ITPR1: variants seen among roughly 807,000 people sequenced by gnomAD.
The protein encoded by ITPR1 is inositol 1,4,5-trisphosphate-gated calcium channel ITPR1.
In ITPR1, 96 loss-of-function variants were observed where a neutral mutation model predicts 318.4. The ratio of observed to expected loss-of-function variants is 0.30; its 90% CI spans 0.26 to 0.36. The LOEUF is 0.36. Ranked by LOEUF, ITPR1 falls within the 10% of genes least tolerant of loss-of-function variation. The pLI, the probability that ITPR1 is intolerant of heterozygous loss-of-function variation, is 1.00. For synonymous variants in ITPR1, 1,312 were observed against 1,289.9 expected, an observed-to-expected ratio of 1.02 and a Z score of -0.37; for missense variants, 2,440 against 3,460.2, an observed-to-expected ratio of 0.71 and a Z score of 7.40.
chr3:4,645,310 C>A, intron 8 of ITPR1, 77 bp from the exon 9 acceptor site: 1 of 949,152 alleles, frequency 1.1e-6, no homozygotes. Flanking sequence ...TCCTAGGCTG[C>A]GGTGAGAAGT....
intron 44 of ITPR1, among the ~76,000 whole-genome samples, chr3:4,765,153 G>C (rs931839478): frequency 6.6e-6 from 1 of 152,166 alleles, no homozygotes; most frequent in African/African-American, 2.4e-5. Flanking sequence ...GAGTCGTGAA[G>C]GCCTCAATGA....
chr3:4,648,152 C>CA (rs35484832), intron 10 of ITPR1, among the ~76,000 whole-genome samples: 1,727 of 141,218 alleles, frequency 0.012, 31 homozygotes, highest in African/African-American at 0.04. Flanking sequence ...AACTCTGTCT[C>CA]AAAAAAAAAA....
At chr3:4,608,116 G>A (rs767319570) in intron 4 of ITPR1, among the ~76,000 whole-genome samples, 1 of 152,096 alleles carries the variant, frequency 6.6e-6, no homozygotes, top group Admixed American at 6.5e-5. Flanking sequence ...GGAAGATGAG[G>A]GTTAGCCAGA....
chr3:4,593,804 G>A (rs2090582171), intron 4 of ITPR1, among the ~76,000 whole-genome samples: 1 of 152,180 alleles, frequency 6.6e-6, no homozygotes, highest in Admixed American at 6.5e-5. Context: ...AGACACACAG[G>A]ATATGGTGGG....
intron 4 of ITPR1, among the ~76,000 whole-genome samples, chr3:4,550,221 C>T (rs1311820921): frequency 6.6e-6 from 1 of 152,040 alleles, no homozygotes; most frequent in African/African-American, 2.4e-5. Context: ...TGAGCAGGGC[C>T]ATGTTGGGGA....
At chr3:4,791,097 G>A (rs138340424) in intron 52 of ITPR1, among the ~76,000 whole-genome samples, 50 of 152,228 alleles carry the variant, frequency 3.3e-4, no homozygotes, top group African/African-American at 1.1e-3. Context: ...GTAAAGTCCC[G>A]TTCCTCTCAA....
chr3:4,559,813 A>C (rs1463313108), intron 4 of ITPR1, among the ~76,000 whole-genome samples: 1 of 152,188 alleles, frequency 6.6e-6, no homozygotes, highest in Non-Finnish European at 1.5e-5. Flanking sequence ...GTGTAGGGTC[A>C]CTCAGCTAGT....
In ITPR1 at chr3:4,663,195, A is replaced by G. The variant is rs1208998815; in HGVS notation, c.1543A>G (p.Ile515Val). The part of the protein sequence containing the change: ...ERQKLMREQN[I>V]LKQIFKLLQA... ...GCAGAAACTGATGAGAGAACAGAAT[A>G]TTCTCAAGCAGGTCGGTGAGATGTG... The change falls in exon 16 of 62, where the codon ATT becomes GTT. Residue 515 changes from isoleucine to valine, a missense_variant. Physicochemically the swap from Ile to Val is conservative, Grantham distance 29. This residue lies in a region of ITPR1 where 478 missense variants were observed against 696.3 expected (regional missense o/e 0.69). Coordinates refer to ENST00000649015, the MANE Select transcript of ITPR1 (RefSeq NM_001378452.1). 1 of 1,611,876 alleles carries G rather than the reference A, an allele frequency of 6.2e-7. No homozygotes were observed. Among genetic ancestry groups the G allele is most frequent in the African/African-American group, 1.3e-5 (1 of 74,844 alleles).
At chr3:4,656,383 C>T (rs1366640956) in intron 12 of ITPR1, among the ~76,000 whole-genome samples, 1 of 152,120 alleles carries the variant, frequency 6.6e-6, no homozygotes, top group Non-Finnish European at 1.5e-5. Flanking sequence ...CCAGATGGTT[C>T]GGAGAGAACA....
intron 3 of ITPR1, among the ~76,000 whole-genome samples, chr3:4,518,733 C>T (rs781417256): frequency 3.3e-5 from 5 of 152,150 alleles, no homozygotes; most frequent in Admixed American, 2.0e-4. Flanking sequence ...TGTGTGCACA[C>T]TACTCAGTGG....
intron 55 of ITPR1, among the ~76,000 whole-genome samples, chr3:4,808,491 C>T (rs2048731013): frequency 6.6e-6 from 1 of 152,250 alleles, no homozygotes; most frequent in Non-Finnish European, 1.5e-5. Context: ...AGCTTCTGAT[C>T]ATGCTACCTC....
rs116123588 is a variant in ITPR1 at position 4,502,081 on chromosome 3, T to C, written c.-17+7575T>C. On this transcript the variant is annotated intron_variant, in intron 2 of 61. Coordinates refer to ENST00000649015, the MANE Select transcript of ITPR1 (RefSeq NM_001378452.1). ...TAAAAGCATCCCAAGCACATATTTC[T>C]GAACAGAAAAAGCTGATACGACACC... 8.2e-3 allele frequency among the ~76,000 whole-genome samples: 1,251 copies of C among 152,366 alleles called. 15 individuals carry two copies. Among genetic ancestry groups the C allele is most frequent in the African/African-American group, 0.028 (1,183 of 41,576 alleles).
intron 10 of ITPR1, chr3:4,645,940 A>G: frequency 1.9e-6 from 1 of 513,264 alleles, no homozygotes; most frequent in Non-Finnish European, 3.5e-6. Flanking sequence ...TATTCCAAAA[A>G]TGGGTTGGGG....
intron 36 of ITPR1, 139 bp from the exon 37 acceptor site, chr3:4,706,028 G>T: frequency 1.3e-6 from 1 of 756,002 alleles, no homozygotes; most frequent in Non-Finnish European, 2.1e-6. Flanking sequence ...GAGCTTCTCA[G>T]TCTTTAAGCT....
In ITPR1 at chr3:4,814,092, C is replaced by T. The variant is rs142689712; in HGVS notation, c.7562-331C>T. On this transcript the variant is annotated intron_variant, in intron 57 of 61. Transcript: ENST00000649015. ...TCTGAGAGACAAGAGGCCTGTGACT[C>T]AGAGTTGCGAAGCAACTCATCTGAC... Among the ~76,000 whole-genome samples the T allele has an allele frequency of 2.2e-4, 33 of 152,296 alleles. No individual in the cohort carries two copies. In the East Asian group the frequency reaches 5.8e-3, roughly 27 times the overall value.
intron 44 of ITPR1, among the ~76,000 whole-genome samples, chr3:4,752,408 A>G (rs1307270294): frequency 6.6e-6 from 1 of 152,182 alleles, no homozygotes; most frequent in Non-Finnish European, 1.5e-5. Context: ...CGATGGATTA[A>G]GGATCCTCAG....
intron 39 of ITPR1, among the ~76,000 whole-genome samples, chr3:4,714,329 C>T (rs78554336): frequency 0.01 from 1,546 of 152,298 alleles, 17 homozygotes; most frequent in Middle Eastern, 0.024. Flanking sequence ...GGCCGTTTCC[C>T]TCCTCCCATC....
At chr3:4,542,712 G>C (rs754212266) in intron 4 of ITPR1, among the ~76,000 whole-genome samples, 2 of 151,878 alleles carry the variant, frequency 1.3e-5, no homozygotes, top group Non-Finnish European at 2.9e-5. Flanking sequence ...TTTATGCAAT[G>C]GTCTCTTAGA....
intron 2 of ITPR1, among the ~76,000 whole-genome samples, chr3:4,501,140 G>A (rs2080992266): frequency 6.6e-6 from 1 of 151,980 alleles, no homozygotes; most frequent in African/African-American, 2.4e-5. Context: ...GGGACTGGAG[G>A]TGTGAGTCAC....
Sources: allele counts gnomAD v4.1 joint callset (sites outside exome capture counted in the v4.1 genomes callset), GRCh38; gene constraint gnomAD v4.1.1; regional missense constraint gnomAD v4.1.1; transcripts MANE v1.5; gene names NCBI Gene and HGNC (gene_info 2026-07-23, HGNC 2026-07-21).